Variants in PRR16 observed in about 807,000 individuals in gnomAD.
PRR16 encodes proline rich 16.
Under a neutral mutation model 18.2 loss-of-function variants are expected in PRR16, and 6 were observed. The observed-to-expected ratio is 0.33, with a 90% CI of 0.18 to 0.65. The LOEUF is 0.65. Ranked by LOEUF, PRR16 falls within the 30% of genes least tolerant of loss-of-function variation. The pLI is 0.74. For missense variants in PRR16, 412 were observed against 376.6 expected (o/e 1.09, Z -0.78); for synonymous variants, 151 against 147.8 (o/e 1.02, Z -0.16).
the PRR16 span, among the ~76,000 whole-genome samples, chr5:120,731,424 A>G: frequency 6.6e-6 from 1 of 152,202 alleles, no homozygotes; most frequent in East Asian, 1.9e-4. Flanking sequence ...GTACCACCTC[A>G]TAGAAACCAA....
chr5:120,586,694 A>G (rs1753455320), intron 1 of PRR16, among the ~76,000 whole-genome samples: 1 of 152,052 alleles, frequency 6.6e-6, no homozygotes, highest in Non-Finnish European at 1.5e-5. Context: ...TCTGACTACT[A>G]CACTCATTGG....
chr5:120,497,383 G>GTTTTTT (rs772458976), intron 1 of PRR16, among the ~76,000 whole-genome samples: 10 of 106,944 alleles, frequency 9.4e-5, no homozygotes, highest in Admixed American at 1.7e-4. Context: ...TTGATGAACT[G>GTTTTTT]ATTTTTTTTT....
intron 1 of PRR16, among the ~76,000 whole-genome samples, chr5:120,681,293 A>G (rs1316067927): frequency 6.6e-6 from 1 of 152,114 alleles, no homozygotes; most frequent in Non-Finnish European, 1.5e-5. Context: ...TTTGGAAGTG[A>G]TAATTTTATA....
rs191518643 is a variant in PRR16 at position 120,492,738 on chromosome 5, G to A, written c.159+28093G>A. ...TTGACATCGCCCATGAGTCCCCACA[G>A]TCCGTTATATCACTCTATATGTTTT... On this transcript the variant is annotated intron_variant, in intron 1 of 1. Transcript: ENST00000407149. Among the ~76,000 whole-genome samples the A allele has an allele frequency of 7.3e-4, 111 of 152,156 alleles. 2 individuals carry two copies. The East Asian group carries it at 0.012, about 16-fold the overall frequency.
chr5:120,719,202 A>G, the PRR16 span, among the ~76,000 whole-genome samples: 1 of 152,064 alleles, frequency 6.6e-6, no homozygotes, highest in Non-Finnish European at 1.5e-5. Flanking sequence ...TGAAATATAA[A>G]TCTTCATTAT....
intron 1 of PRR16, among the ~76,000 whole-genome samples, chr5:120,567,641 G>A (rs902587916): frequency 9.9e-5 from 15 of 152,102 alleles, no homozygotes; most frequent in Non-Finnish European, 2.9e-5. Context: ...TCTCATGATA[G>A]TGAGTGACTG....
intron 1 of PRR16, among the ~76,000 whole-genome samples, chr5:120,505,644 A>G (rs1472126014): frequency 6.6e-6 from 1 of 152,136 alleles, no homozygotes. Flanking sequence ...GTGAATTGGG[A>G]TTTTACACTT....
chr5:120,502,638 G>A (rs1750502199), intron 1 of PRR16, among the ~76,000 whole-genome samples: 1 of 152,098 alleles, frequency 6.6e-6, no homozygotes, highest in Non-Finnish European at 1.5e-5. Context: ...TTAGATTCTA[G>A]CCCTGTTACT....
At chr5:120,512,696 C>T (rs765034866) in intron 1 of PRR16, among the ~76,000 whole-genome samples, 5 of 152,070 alleles carry the variant, frequency 3.3e-5, no homozygotes, top group Non-Finnish European at 5.9e-5. Context: ...TCCAAACAGC[C>T]TGTGTAACAA....
At chr5:120,746,124 C>A in the PRR16 span, among the ~76,000 whole-genome samples, 1 of 148,340 alleles carries the variant, frequency 6.7e-6, no homozygotes. Context: ...TTTCTAAAAG[C>A]TTTTTTTTTT....
At chr5:120,596,091 A>G (rs1753804778) in intron 1 of PRR16, among the ~76,000 whole-genome samples, 1 of 150,102 alleles carries the variant, frequency 6.7e-6, no homozygotes, top group Admixed American at 6.7e-5. Flanking sequence ...CTCTTCATCC[A>G]TCCATTTATC....
the PRR16 span, among the ~76,000 whole-genome samples, chr5:120,709,622 C>T: frequency 6.6e-6 from 1 of 151,962 alleles, no homozygotes; most frequent in Non-Finnish European, 1.5e-5. Flanking sequence ...TTAACCAAAC[C>T]CTCTTCCTCC....
the PRR16 span, among the ~76,000 whole-genome samples, chr5:120,762,544 C>T: frequency 3.9e-5 from 6 of 152,014 alleles, no homozygotes; most frequent in African/African-American, 9.7e-5. Flanking sequence ...TTGCTCAGGC[C>T]GCTCTCCTGG....
chr5:120,587,855 A>G (rs1370484651), intron 1 of PRR16, among the ~76,000 whole-genome samples: 1 of 152,226 alleles, frequency 6.6e-6, no homozygotes, highest in Non-Finnish European at 1.5e-5. Context: ...GCTGCCATAC[A>G]TAGTAATTCT....
chr5:120,753,646 A>C, the PRR16 span, among the ~76,000 whole-genome samples: 1 of 150,978 alleles, frequency 6.6e-6, no homozygotes, highest in Non-Finnish European at 1.5e-5. Context: ...TATAAGAAAC[A>C]TTTTAGTTCT....
intron 1 of PRR16, among the ~76,000 whole-genome samples, chr5:120,499,277 T>C (rs1359485315): frequency 6.6e-6 from 1 of 151,830 alleles, no homozygotes; most frequent in African/African-American, 2.4e-5. Flanking sequence ...GCCTGGCTAA[T>C]TTTTTGTATT....
chr5:120,523,616 AT>A (rs1751257859), intron 1 of PRR16, among the ~76,000 whole-genome samples: 1 of 152,028 alleles, frequency 6.6e-6, no homozygotes. Context: ...TTCAAGTTGA[AT>A]TTTTTCTTCA....
At chr5:120,504,243 T>C (rs1018007945) in intron 1 of PRR16, among the ~76,000 whole-genome samples, 3 of 152,172 alleles carry the variant, frequency 2.0e-5, no homozygotes, top group African/African-American at 7.2e-5. Flanking sequence ...ACCTTGGTGC[T>C]GATTCTGCTA....
intron 1 of PRR16, among the ~76,000 whole-genome samples, chr5:120,617,421 T>C (rs1425829999): frequency 6.6e-6 from 1 of 152,228 alleles, no homozygotes; most frequent in African/African-American, 2.4e-5. Context: ...CTTCAGTCTG[T>C]GTTTTATGTT....
Sources: allele counts gnomAD v4.1 joint callset (sites outside exome capture counted in the v4.1 genomes callset), GRCh38; gene constraint gnomAD v4.1.1; transcripts MANE v1.5; gene names NCBI Gene and HGNC (gene_info 2026-07-23, HGNC 2026-07-21).